The following SLC25A26 variants were observed in gnomAD, a reference collection of about 807,000 sequenced individuals.
SLC25A26 encodes the protein solute carrier family 25 member 26.
A neutral mutation model predicts 37.8 loss-of-function variants in SLC25A26; 36 were observed. The observed-to-expected ratio is 0.95, with a 90% CI of 0.73 to 1.26. The LOEUF is 1.26. Among genes scored for constraint, SLC25A26 ranks in the 50% most tolerant of loss-of-function variants. SLC25A26 has a pLI of 0.00. For missense variants in SLC25A26, 390 were observed against 331.1 expected (o/e 1.18, Z -1.38); for synonymous variants, 129 against 122.5 (o/e 1.05, Z -0.35).
At chr3:66,290,957 G>A (rs2107507103) in intron 5 of SLC25A26, among the ~76,000 whole-genome samples, 1 of 152,198 alleles carries the variant, frequency 6.6e-6, no homozygotes, top group African/African-American at 2.4e-5. Flanking sequence ...GCCTTTTTTG[G>A]TTTGTAGGCT....
rs144598203 is a variant in SLC25A26, at chr3:66,293,946, A to T, written c.453+30567A>T. Among the ~76,000 whole-genome samples the T allele has an allele frequency of 8.6e-3, 1,313 of 152,204 alleles. 7 individuals are homozygous for T. The highest frequency in any genetic ancestry group is 0.021 in the South Asian group (102 of 4,822). On this transcript the variant is annotated intron_variant, in intron 5 of 9. Transcript: ENST00000354883. ...CCTGTAATAGAGCTTGAAGTCTGGT[A>T]GTGTGAGGCCTTTAAGTTTGTTCTT...
chr3:66,212,122 A>G (rs1439508741), intron 1 of SLC25A26, among the ~76,000 whole-genome samples: 5 of 152,094 alleles, frequency 3.3e-5, no homozygotes, highest in African/African-American at 7.2e-5. Flanking sequence ...ACTTATTGTT[A>G]TTATTTTTTG....
At chr3:66,317,957 G>C (rs1057160951) in intron 5 of SLC25A26, among the ~76,000 whole-genome samples, 1 of 152,180 alleles carries the variant, frequency 6.6e-6, no homozygotes, top group Non-Finnish European at 1.5e-5. Flanking sequence ...GGTCTTGCTG[G>C]CACTGGTGGC....
intron 5 of SLC25A26, 94 bp from the exon 6 acceptor site, chr3:66,346,270 A>C: frequency 1.7e-6 from 1 of 592,486 alleles, no homozygotes; most frequent in South Asian, 2.8e-5. Flanking sequence ...GCTTTGTTAT[A>C]AAGTTGAAAT....
chr3:66,288,375 C>T (rs1383408912), intron 5 of SLC25A26, among the ~76,000 whole-genome samples: 4 of 152,062 alleles, frequency 2.6e-5, no homozygotes, highest in Non-Finnish European at 5.9e-5. Flanking sequence ...GCAGAATGTG[C>T]AGGTTTGTTA....
intron 3 of SLC25A26, among the ~76,000 whole-genome samples, chr3:66,252,019 ATGAAGT>A (rs1175684988): frequency 2.0e-5 from 3 of 152,186 alleles, no homozygotes; most frequent in Non-Finnish European, 4.4e-5. Context: ...ATATAGGTTG[ATGAAGT>A]TGAAGAAACG....
At chr3:66,178,849 C>T (rs982821627) in intron 1 of SLC25A26, among the ~76,000 whole-genome samples, 1 of 152,066 alleles carries the variant, frequency 6.6e-6, no homozygotes, top group African/African-American at 2.4e-5. Flanking sequence ...AAGAATGATA[C>T]CGTCAGGTAT....
At chr3:66,162,323 C>A (rs1184723828) in intron 1 of SLC25A26, among the ~76,000 whole-genome samples, 2 of 129,990 alleles carry the variant, frequency 1.5e-5, no homozygotes, top group Non-Finnish European at 3.1e-5. Context: ...GGGGAGAGGA[C>A]TTCAACATGG....
intron 6 of SLC25A26, among the ~76,000 whole-genome samples, chr3:66,352,177 A>C (rs1289434311): frequency 6.6e-6 from 1 of 152,140 alleles, no homozygotes; most frequent in Non-Finnish European, 1.5e-5. Flanking sequence ...TGAGCTCACA[A>C]CCTGGGCGAC....
At chr3:66,153,781 G>C (rs2070239605) in intron 1 of SLC25A26, among the ~76,000 whole-genome samples, 1 of 152,022 alleles carries the variant, frequency 6.6e-6, no homozygotes, top group Admixed American at 6.5e-5. Context: ...GCTTGGTCTT[G>C]TAAAGCCAAA....
At position 66,261,909 on chromosome 3, in the gene SLC25A26, TA is replaced by T. The variant is rs377056969; in HGVS notation, c.301-129del. 0.25 allele frequency: 123,015 copies of T among 496,620 alleles called. No individual in the cohort carries two copies. The highest frequency in any genetic ancestry group is 0.33 in the South Asian group (13,404 of 40,486). The allele number at this position is 496,620 out of a possible 1,614,324, so 30.8% of individuals were successfully genotyped here. Reference sequence around the variant, plus strand: ...CTTTAAGGGTCCAAGAGTTTTAGGTTAAAAAAAAAAAAAGAAACTTTTTGAC... The same window carrying T: ...CTTTAAGGGTCCAAGAGTTTTAGGTTAAAAAAAAAAAAGAAACTTTTTGAC... On this transcript the variant is annotated intron_variant, in intron 3 of 9. Transcript: ENST00000354883.
At chr3:66,215,665 G>C (rs887239261) in intron 1 of SLC25A26, among the ~76,000 whole-genome samples, 56 of 152,186 alleles carry the variant, frequency 3.7e-4, no homozygotes, top group African/African-American at 1.3e-3. Context: ...CATATGACTG[G>C]TACTCTGTTG....
intron 3 of SLC25A26, among the ~76,000 whole-genome samples, chr3:66,250,473 G>C (rs1404164488): frequency 6.6e-6 from 1 of 152,190 alleles, no homozygotes; most frequent in Admixed American, 6.5e-5. Flanking sequence ...CTGTATTTCA[G>C]ATTTTGCATT....
chr3:66,303,137 G>A (rs1315726117), intron 5 of SLC25A26, among the ~76,000 whole-genome samples: 1 of 152,206 alleles, frequency 6.6e-6, no homozygotes, highest in East Asian at 1.9e-4. Context: ...TCTAGTCACT[G>A]TTGACATCTT....
At chr3:66,195,159 C>G (rs987578016) in intron 1 of SLC25A26, among the ~76,000 whole-genome samples, 1 of 152,234 alleles carries the variant, frequency 6.6e-6, no homozygotes, top group African/African-American at 2.4e-5. Context: ...TTATGCTGTA[C>G]TGCCACTCTT....
chr3:66,134,566 C>G (rs963887776), intron 1 of SLC25A26, among the ~76,000 whole-genome samples: 4 of 152,180 alleles, frequency 2.6e-5, no homozygotes, highest in African/African-American at 9.7e-5. Flanking sequence ...CAAACACCCT[C>G]AAGTTACCTT....
intron 5 of SLC25A26, among the ~76,000 whole-genome samples, chr3:66,274,482 A>G (rs1039610340): frequency 4.6e-5 from 7 of 152,200 alleles, no homozygotes. Flanking sequence ...AATGGGAGAA[A>G]ATTGTTGCAA....
intron 5 of SLC25A26, among the ~76,000 whole-genome samples, chr3:66,298,491 A>G (rs895616708): frequency 6.6e-6 from 1 of 152,190 alleles, no homozygotes; most frequent in South Asian, 2.1e-4. Flanking sequence ...ACTTTGAATT[A>G]TTTCAAAACT....
intron 5 of SLC25A26, among the ~76,000 whole-genome samples, chr3:66,314,764 T>A (rs1297256166): frequency 6.6e-6 from 1 of 151,542 alleles, no homozygotes; most frequent in East Asian, 1.9e-4. Flanking sequence ...TTTTTTTGTT[T>A]TTTTTTTTAG....
Sources: gnomAD v4.1 joint callset for allele counts (sites outside exome capture counted in the v4.1 genomes callset) on GRCh38, gnomAD v4.1.1 for gene constraint, MANE v1.5 for transcripts, NCBI Gene and HGNC (gene_info 2026-07-23, HGNC 2026-07-21) for gene names.